The following NHSL1 variants were observed in gnomAD, a reference collection of about 807,000 sequenced individuals.
NHSL1 encodes NHS-like protein 1.
A neutral mutation model predicts 95.0 loss-of-function variants in NHSL1; 48 were observed. That is an observed-to-expected ratio of 0.51 (90% confidence interval 0.40 to 0.64). The LOEUF is 0.64. Ranked by LOEUF, NHSL1 falls within the 30% of genes least tolerant of loss-of-function variation. The pLI is 0.00. For missense variants in NHSL1, 1,971 were observed against 2,077.7 expected (o/e 0.95, Z 1.00); for synonymous variants, 783 against 833.9 (o/e 0.94, Z 1.05).
Position 138,424,904 on chromosome 6 carries a change from A to C in NHSL1, c.4086-88T>G. 9.4e-7 allele frequency: 1 copy of C among 1,065,490 alleles called. No homozygotes were observed. The highest frequency in any genetic ancestry group is 1.3e-6 in the Non-Finnish European group (1 of 749,680). The allele number at this position is 1,065,490 out of a possible 1,614,324, so 66.0% of individuals were successfully genotyped here. ...ACCACTCTGCTCTTATCGCATCTTCAGGTCACCATCTACTTAAGATTCACT... is the reference window on the plus strand; with the variant it reads ...ACCACTCTGCTCTTATCGCATCTTCCGGTCACCATCTACTTAAGATTCACT... On this transcript the variant is annotated intron_variant, in intron 7 of 7. Transcript: ENST00000343505. This position sits in a 1 kb window ranked among gnomAD's most constrained non-coding sequence, Gnocchi z 5.9.
chr6:138,605,598 C>T (rs779900717), intron 1 of NHSL1, among the ~76,000 whole-genome samples: 2 of 152,204 alleles, frequency 1.3e-5, no homozygotes, highest in Non-Finnish European at 2.9e-5. Context: ...CATATTGTGT[C>T]TACCCACCAC....
chr6:138,675,900 G>A (rs1369539179), intron 1 of NHSL1, among the ~76,000 whole-genome samples: 1 of 152,142 alleles, frequency 6.6e-6, no homozygotes, highest in African/African-American at 2.4e-5. Context: ...AGGTTGAACA[G>A]GCTTTTGGGG....
intron 1 of NHSL1, among the ~76,000 whole-genome samples, chr6:138,631,143 G>A (rs569576469): frequency 2.6e-5 from 4 of 152,230 alleles, no homozygotes; most frequent in Admixed American, 1.3e-4. Flanking sequence ...CTCAGCTGAC[G>A]CCCGCCCACG....
At chr6:138,427,273 G>C (rs9389579) in intron 7 of NHSL1, among the ~76,000 whole-genome samples, 112,278 of 152,078 alleles carry the variant, frequency 0.74, 41,634 homozygotes, top group East Asian at 0.91. Flanking sequence ...AACCATGTCT[G>C]TACTACAAAT....
At chr6:138,557,184 A>C (rs929616352) in intron 1 of NHSL1, among the ~76,000 whole-genome samples, 5 of 152,262 alleles carry the variant, frequency 3.3e-5, no homozygotes, top group African/African-American at 1.2e-4. Context: ...CCACCGTACC[A>C]AAACGAAAAG....
intron 1 of NHSL1, among the ~76,000 whole-genome samples, chr6:138,580,162 G>C (rs1022722704): frequency 5.3e-5 from 8 of 152,160 alleles, no homozygotes; most frequent in Non-Finnish European, 1.0e-4. Flanking sequence ...ATCAGTATGT[G>C]CATCACCTCC....
intron 2 of NHSL1, among the ~76,000 whole-genome samples, chr6:138,485,466 AAG>A (rs1313711962): frequency 2.0e-5 from 3 of 150,426 alleles, no homozygotes; most frequent in African/African-American, 7.3e-5. Context: ...AAAAAAAAAA[AAG>A]GTATGGGGGT....
chr6:138,499,065 T>G (rs1172835902), intron 1 of NHSL1, among the ~76,000 whole-genome samples, 168 bp downstream of exon 1: 1 of 152,012 alleles, frequency 6.6e-6, no homozygotes, highest in Non-Finnish European at 1.5e-5. Flanking sequence ...GTTTAACTCA[T>G]GCCTATTACG....
At chr6:138,624,083 AAC>A (rs1335385204) in intron 1 of NHSL1, among the ~76,000 whole-genome samples, 1 of 152,158 alleles carries the variant, frequency 6.6e-6, no homozygotes, top group African/African-American at 2.4e-5. Flanking sequence ...ATTTCTTCAT[AAC>A]AGTGTGAGAA....
At chr6:138,682,702 T>C in intron 1 of NHSL1, among the ~76,000 whole-genome samples, 1 of 152,164 alleles carries the variant, frequency 6.6e-6, no homozygotes, top group Non-Finnish European at 1.5e-5. Flanking sequence ...ACGGCCTAGA[T>C]GGGTGTTTCC....
chr6:138,501,517 A>AG (rs1209070711), upstream of NHSL1, among the ~76,000 whole-genome samples: 2 of 152,186 alleles, frequency 1.3e-5, no homozygotes, highest in African/African-American at 4.8e-5. Flanking sequence ...ACCTTGAAGG[A>AG]GGCAATGGCA....
rs1236414303 is a variant in NHSL1, at chr6:138,432,411, T to A, written c.1934A>T (p.Gln645Leu). 2.3e-5 allele frequency: 36 copies of A among 1,552,216 alleles called. No homozygotes were observed. The highest frequency in any genetic ancestry group is 3.9e-5 in the Admixed American group (2 of 50,998). Residue 645 changes from glutamine to leucine, a missense_variant, in exon 6 of 8, where the codon CAG becomes CTG. By Grantham distance (113) the Gln-to-Leu change is moderately radical. Coordinates refer to ENST00000343505, the MANE Select transcript of NHSL1 (RefSeq NM_001144060.2). This position sits in a 1 kb window ranked among gnomAD's most constrained non-coding sequence, Gnocchi z 4.4. ...SVINVFVGRA[Q>L]KNQGDRSNYQ... Reference sequence around the variant, plus strand: ...ATTGGACCGGTCCCCTTGGTTTTTCTGAGCTCTTCCAACAAAAACATTGAT... The same window carrying A: ...ATTGGACCGGTCCCCTTGGTTTTTCAGAGCTCTTCCAACAAAAACATTGAT...
chr6:138,509,811 G>T (rs1383125247), intron 1 of NHSL1, among the ~76,000 whole-genome samples: 1 of 152,108 alleles, frequency 6.6e-6, no homozygotes, highest in Non-Finnish European at 1.5e-5. Flanking sequence ...CCTAGTGTCT[G>T]CAACCAAGCC....
chr6:138,471,845 T>C lies in NHSL1; in HGVS notation c.339+1461A>G, dbSNP rs192499239. 2.5e-3 allele frequency among the ~76,000 whole-genome samples: 388 copies of C among 152,338 alleles called. 1 individual carries two copies. The highest frequency in any genetic ancestry group is 0.02 in the Middle Eastern group (6 of 294). On this transcript the variant is annotated intron_variant, in intron 3 of 7. Coordinates refer to ENST00000343505, the MANE Select transcript of NHSL1 (RefSeq NM_001144060.2). ...TATCAAATCATCACACTGTGCTCCA[T>C]AAATGTATATAATTATGACTTATCA... is the stretch of plus-strand genomic sequence containing the variant.
rs1432617659 is a variant in NHSL1, at chr6:138,432,739, T to C, written c.1606A>G (p.Lys536Glu). ...FPAHPQDVDGKSESSYSGGGG... is the reference protein window; with the variant it reads ...FPAHPQDVDGESESSYSGGGG... The stretch of plus-strand genomic sequence containing the variant: ...CCCCCTGAATAACTAGATTCACTCT[T>C]GCCATCCACATCTTGGGGGTGGGCT... The change falls in exon 6 of 8, where the codon AAG (lysine) becomes GAG (glutamate). Residue 536 changes from lysine to glutamate, a missense_variant. Lys to Glu is a moderately conservative substitution (Grantham distance 56). Transcript: ENST00000343505. The surrounding 1 kb of genome is among the most constrained non-coding windows in gnomAD (Gnocchi z 4.4). The C allele has an allele frequency of 6.4e-6, 10 of 1,551,540 alleles. No homozygotes were observed. The Admixed American group carries it at 2.0e-4, about 30-fold the overall frequency.
chr6:138,491,497 A>C (rs1057336430), intron 2 of NHSL1, among the ~76,000 whole-genome samples: 3 of 152,202 alleles, frequency 2.0e-5, no homozygotes, highest in African/African-American at 2.4e-5. Context: ...AAAGCCAAAA[A>C]CTATGCAGAT....
rs148137808 is a variant in NHSL1 at position 138,516,110 on chromosome 6, G to A, written c.17-19739C>T. ...CAAGTCCTCATTTCCATGCTCCTGC[G>A]GCTTCGGCTGTTTCTGCTGCTAAGT... On this transcript the variant is annotated intron_variant, in intron 1 of 4. Coordinates refer to the NHSL1 transcript ENST00000342260. Among the ~76,000 whole-genome samples, 1,006 of 152,256 alleles carry A rather than the reference G, an allele frequency of 6.6e-3. 23 individuals are homozygous for A. Among genetic ancestry groups the A allele is most frequent in the Admixed American group, 0.048 (740 of 15,290 alleles).
chr6:138,558,091 GA>G (rs1191497304), intron 1 of NHSL1, among the ~76,000 whole-genome samples: 6 of 152,042 alleles, frequency 3.9e-5, no homozygotes, highest in African/African-American at 7.2e-5. Context: ...TCACAATTTA[GA>G]AAAGTATCTC....
At chr6:138,687,099 C>T (rs1057358376) in intron 1 of NHSL1, among the ~76,000 whole-genome samples, 2 of 152,076 alleles carry the variant, frequency 1.3e-5, no homozygotes, top group Non-Finnish European at 2.9e-5. Context: ...TTTCGCCAAA[C>T]ATTTATGAGT....
Sources: allele counts gnomAD v4.1 joint callset (sites outside exome capture counted in the v4.1 genomes callset), GRCh38; gene constraint gnomAD v4.1.1; non-coding constraint Gnocchi (gnomAD v3.1); transcripts MANE v1.5; gene names NCBI Gene and HGNC (gene_info 2026-07-23, HGNC 2026-07-21).